Variants in HCN1 observed in about 807,000 individuals in gnomAD.
The protein encoded by HCN1 is hyperpolarization activated cyclic nucleotide gated potassium channel 1, also known as potassium/sodium hyperpolarization-activated cyclic nucleotide-gated channel 1.
A neutral mutation model predicts 78.9 loss-of-function variants in HCN1; 13 were observed. The ratio of observed to expected loss-of-function variants is 0.16; its 90% CI spans 0.11 to 0.26. HCN1 has a LOEUF of 0.26. Among genes scored for constraint, HCN1 ranks in the 10% least tolerant of loss-of-function variants. The pLI is 1.00. For missense variants in HCN1, 810 were observed against 1,154.3 expected (o/e 0.70, Z 4.32); for synonymous variants, 552 against 455.5 (o/e 1.21, Z -2.70).
At chr5:45,380,125 C>A (rs1747773918) in intron 4 of HCN1, among the ~76,000 whole-genome samples, 1 of 151,978 alleles carries the variant, frequency 6.6e-6, no homozygotes, top group South Asian at 2.1e-4. Flanking sequence ...TGTCATGGTT[C>A]TGGAGGCTGG....
chr5:45,302,730 T>C (rs1175290889), intron 6 of HCN1, among the ~76,000 whole-genome samples: 2 of 151,980 alleles, frequency 1.3e-5, no homozygotes, highest in Non-Finnish European at 2.9e-5. Flanking sequence ...TTCCCACATT[T>C]ATGGGAGGGA....
intron 2 of HCN1, among the ~76,000 whole-genome samples, chr5:45,492,407 AT>A (rs1741904483): frequency 6.9e-6 from 1 of 144,694 alleles, no homozygotes; most frequent in Non-Finnish European, 1.5e-5. Flanking sequence ...ATATATATAT[AT>A]ATATATATAT....
At chr5:45,277,675 T>C (rs1187809724) in intron 6 of HCN1, among the ~76,000 whole-genome samples, 1 of 152,142 alleles carries the variant, frequency 6.6e-6, no homozygotes, top group Admixed American at 6.6e-5. Flanking sequence ...AAAGCTTTTC[T>C]CATGTGACTT....
At chr5:45,289,823 G>T (rs544057019) in intron 6 of HCN1, among the ~76,000 whole-genome samples, 1 of 152,178 alleles carries the variant, frequency 6.6e-6, no homozygotes, top group Admixed American at 6.5e-5. Flanking sequence ...GAGCCTCAAA[G>T]TTCAAGATCA....
chr5:45,566,051 T>C (rs1223431409), intron 2 of HCN1, among the ~76,000 whole-genome samples: 1 of 152,180 alleles, frequency 6.6e-6, no homozygotes, highest in Non-Finnish European at 1.5e-5. Context: ...TTCTCTTAAA[T>C]TGAGTAGTTC....
chr5:45,606,826 C>T (rs535698193), intron 2 of HCN1, among the ~76,000 whole-genome samples: 1 of 151,726 alleles, frequency 6.6e-6, no homozygotes, highest in Non-Finnish European at 1.5e-5. Flanking sequence ...GGAGGATAAA[C>T]TAAATATTCA....
At chr5:45,266,011 C>G (rs763618351) in intron 7 of HCN1, among the ~76,000 whole-genome samples, 19 of 151,770 alleles carry the variant, frequency 1.3e-4, no homozygotes, top group Non-Finnish European at 1.2e-4. Flanking sequence ...CAGAGTCGAG[C>G]TGACCAAAAA....
At chr5:45,333,960 C>T (rs1478468801) in intron 5 of HCN1, among the ~76,000 whole-genome samples, 2 of 151,688 alleles carry the variant, frequency 1.3e-5, no homozygotes, top group Non-Finnish European at 2.9e-5. Context: ...ATGCATGATG[C>T]CATTGACTGT....
chr5:45,649,537 C>T (rs1361449197), intron 1 of HCN1, among the ~76,000 whole-genome samples: 2 of 151,960 alleles, frequency 1.3e-5, no homozygotes, highest in East Asian at 3.9e-4. Context: ...CCCTAAAAAT[C>T]ACATGTGCTT....
chr5:45,647,030 T>A (rs1745562320), intron 1 of HCN1, among the ~76,000 whole-genome samples: 1 of 152,204 alleles, frequency 6.6e-6, no homozygotes. Context: ...CTATCATCTG[T>A]AATTAAGAAT....
intron 3 of HCN1, among the ~76,000 whole-genome samples, chr5:45,412,414 A>G (rs1202030511): frequency 6.6e-6 from 1 of 152,060 alleles, no homozygotes; most frequent in African/African-American, 2.4e-5. Context: ...TCCAGGTTCT[A>G]TGGATAGTGG....
At chr5:45,284,793 T>C (rs1745234552) in intron 6 of HCN1, among the ~76,000 whole-genome samples, 1 of 152,114 alleles carries the variant, frequency 6.6e-6, no homozygotes, top group Non-Finnish European at 1.5e-5. Context: ...AATCAAACTG[T>C]TAAGTCTGAG....
At chr5:45,516,952 G>A (rs1374963584) in intron 2 of HCN1, among the ~76,000 whole-genome samples, 1 of 151,904 alleles carries the variant, frequency 6.6e-6, no homozygotes, top group African/African-American at 2.4e-5. Context: ...AGTTTCTCAG[G>A]ATAATATTCA....
At chr5:45,514,635 C>T (rs751882134) in intron 2 of HCN1, among the ~76,000 whole-genome samples, 2 of 152,054 alleles carry the variant, frequency 1.3e-5, no homozygotes, top group Non-Finnish European at 2.9e-5. Flanking sequence ...GTTGATCTGA[C>T]CACACTGAAG....
At chr5:45,373,164 T>C (rs1288178838) in intron 4 of HCN1, among the ~76,000 whole-genome samples, 1 of 121,622 alleles carries the variant, frequency 8.2e-6, no homozygotes, top group Non-Finnish European at 1.6e-5. Flanking sequence ...AAAATATATG[T>C]ACTTTATAAA....
At chr5:45,678,626 C>A (rs1580046366) in intron 1 of HCN1, among the ~76,000 whole-genome samples, 2 of 151,800 alleles carry the variant, frequency 1.3e-5, no homozygotes, top group African/African-American at 4.8e-5. Flanking sequence ...ATAGTCTGTT[C>A]ATTTTGGTAC....
intron 5 of HCN1, among the ~76,000 whole-genome samples, chr5:45,341,957 T>C (rs1413651423): frequency 2.0e-5 from 3 of 152,124 alleles, no homozygotes; most frequent in African/African-American, 7.2e-5. Context: ...AATTTGGCTC[T>C]GTTTGACTTA....
chr5:45,677,772 T>C (rs1414904296), intron 1 of HCN1, among the ~76,000 whole-genome samples: 1 of 151,878 alleles, frequency 6.6e-6, no homozygotes, highest in Admixed American at 6.6e-5. Flanking sequence ...ACCACAGAAG[T>C]AGCAAACATA....
intron 4 of HCN1, among the ~76,000 whole-genome samples, chr5:45,375,806 ATATATAATATAATATTTTATGATATAT>A (rs1260590283): frequency 6.9e-5 from 8 of 115,290 alleles, no homozygotes; most frequent in African/African-American, 2.9e-4. Flanking sequence ...GATATATCTT[ATATATAATATAATATTTTATGATATAT>A]CTTATATATA....
Sources: allele counts gnomAD v4.1 joint callset (sites outside exome capture counted in the v4.1 genomes callset), GRCh38; gene constraint gnomAD v4.1.1; transcripts MANE v1.5; gene names NCBI Gene and HGNC (gene_info 2026-07-23, HGNC 2026-07-21).